CFAP44: variants seen among roughly 807,000 people sequenced by gnomAD.
CFAP44 encodes the protein cilia and flagella associated protein 44, also known as cilia- and flagella-associated protein 44.
Under a neutral mutation model 216.2 loss-of-function variants are expected in CFAP44, and 134 were observed. The ratio of observed to expected loss-of-function variants is 0.62; its 90% CI spans 0.54 to 0.72. The LOEUF (loss-of-function observed/expected upper bound fraction) is 0.72, where lower values mean the gene tolerates loss of function less well. Ranked by LOEUF, CFAP44 falls within the 30% of genes least tolerant of loss-of-function variation. CFAP44 has a pLI of 0.00. For synonymous variants in CFAP44, 700 were observed against 727.6 expected (o/e 0.96, Z 0.61); for missense variants, 2,035 against 2,182.1 (o/e 0.93, Z 1.34).
chr3:113,297,776 G>T (rs747690788), intron 32 of CFAP44, among the ~76,000 whole-genome samples: 1 of 152,156 alleles, frequency 6.6e-6, no homozygotes, highest in Non-Finnish European at 1.5e-5. Flanking sequence ...CTTGTAACAG[G>T]ACTTTCTCAA....
At chr3:113,332,481 A>G (rs967813708) in intron 25 of CFAP44, among the ~76,000 whole-genome samples, 1 of 152,236 alleles carries the variant, frequency 6.6e-6, no homozygotes, top group African/African-American at 2.4e-5. Context: ...TACTATTAAT[A>G]TAACCATGAT....
In CFAP44 at chr3:113,401,528, C is replaced by T. The variant is rs1030859805; in HGVS notation, c.1326+56G>A. ...TGTAGCCAAATCAATCATACTACTA[C>T]TTTAATTTTTGGTCCATGTAATGTT... On this transcript the variant is annotated intron_variant, in intron 10 of 34. Transcript: ENST00000393845. The T allele has an allele frequency of 1.2e-5, 19 of 1,593,282 alleles. No homozygotes were observed. The East Asian group carries it at 4.3e-4, about 36-fold the overall frequency.
chr3:113,434,805 C>A (rs2107418327), intron 1 of CFAP44: 1 of 152,312 alleles, frequency 6.6e-6, no homozygotes, highest in East Asian at 1.9e-4. Context: ...AAACTTTTTA[C>A]AAGCCTGCTA....
At chr3:113,374,083 G>C (rs1933258832) in intron 17 of CFAP44, among the ~76,000 whole-genome samples, 1 of 151,960 alleles carries the variant, frequency 6.6e-6, no homozygotes, top group Non-Finnish European at 1.5e-5. Flanking sequence ...AACAAATTAA[G>C]GGTCAGAACA....
intron 28 of CFAP44, among the ~76,000 whole-genome samples, chr3:113,324,465 A>G (rs1254514805): frequency 6.6e-6 from 1 of 152,252 alleles, no homozygotes; most frequent in Non-Finnish European, 1.5e-5. Flanking sequence ...TTAATAATCC[A>G]TAATTAGCCA....
At chr3:113,319,099 A>G (rs1950117586) in intron 28 of CFAP44, among the ~76,000 whole-genome samples, 1 of 152,202 alleles carries the variant, frequency 6.6e-6, no homozygotes, top group Non-Finnish European at 1.5e-5. Flanking sequence ...ACTAACCTTG[A>G]ATGTAAATGG....
At chr3:113,420,470 C>A (rs2107393522) in intron 4 of CFAP44, among the ~76,000 whole-genome samples, 1 of 152,254 alleles carries the variant, frequency 6.6e-6, no homozygotes. Context: ...CTGGGGAAAT[C>A]CTGAGAGCCC....
At chr3:113,418,873 T>G (rs1469282706) in intron 5 of CFAP44, among the ~76,000 whole-genome samples, 1 of 151,818 alleles carries the variant, frequency 6.6e-6, no homozygotes, top group African/African-American at 2.4e-5. Flanking sequence ...CCTGGCTAAT[T>G]TTTTGTATCT....
intron 18 of CFAP44, among the ~76,000 whole-genome samples, chr3:113,366,768 C>G (rs1321964581): frequency 2.0e-5 from 3 of 152,212 alleles, no homozygotes; most frequent in African/African-American, 7.2e-5. Context: ...GTTGCCTCAC[C>G]TGGGAAGCGC....
intron 29 of CFAP44, among the ~76,000 whole-genome samples, chr3:113,307,556 CT>C (rs1559906319): frequency 6.6e-6 from 1 of 152,200 alleles, no homozygotes; most frequent in Admixed American, 6.5e-5. Flanking sequence ...TATTTATTGT[CT>C]TTCTCCACTA....
At chr3:113,329,556 T>A (rs1950222312) in intron 26 of CFAP44, among the ~76,000 whole-genome samples, 1 of 152,094 alleles carries the variant, frequency 6.6e-6, no homozygotes, top group Admixed American at 6.5e-5. Flanking sequence ...GGAAAGGGAA[T>A]CTACATGGCT....
intron 22 of CFAP44, among the ~76,000 whole-genome samples, chr3:113,345,073 T>C (rs890149107): frequency 6.7e-5 from 10 of 148,472 alleles, no homozygotes; most frequent in Admixed American, 1.4e-4. Flanking sequence ...TTATATATAA[T>C]AGACTATATA....
chr3:113,392,832 A>G (rs1401685445), intron 15 of CFAP44, among the ~76,000 whole-genome samples: 2 of 152,218 alleles, frequency 1.3e-5, no homozygotes, highest in Non-Finnish European at 2.9e-5. Context: ...AACTCCATTT[A>G]GATACCTCAA....
chr3:113,333,468 G>A lies in CFAP44; in HGVS notation c.3553C>T (p.Pro1185Ser). 2.6e-6 allele frequency: 4 copies of A among 1,537,044 alleles called. No homozygotes were observed. In the South Asian group the frequency reaches 4.8e-5, roughly 18 times the overall value. ...GCAGCATTTATTCTCATGTGCTCAGGTATCTTGTAGTCTGGGGCTGTCTTC... is the reference window on the plus strand; with the variant it reads ...GCAGCATTTATTCTCATGTGCTCAGATATCTTGTAGTCTGGGGCTGTCTTC... ...NLKTAPDYKI[P>S]EHMRINAAKK... Residue 1185 changes from proline to serine, a missense_variant, in exon 25 of 35, where the codon CCT (proline) becomes TCT (serine). Coordinates refer to ENST00000393845, the MANE Select transcript of CFAP44 (RefSeq NM_001164496.2).
intron 6 of CFAP44, among the ~76,000 whole-genome samples, chr3:113,411,253 C>T (rs1239895783): frequency 1.3e-5 from 2 of 152,046 alleles, no homozygotes; most frequent in Admixed American, 6.6e-5. Flanking sequence ...TGCCTAGGTT[C>T]TCTTCTAGGG....
intron 2 of CFAP44, chr3:113,427,560 A>C (rs2107406023): frequency 4.6e-6 from 2 of 435,236 alleles, no homozygotes; most frequent in East Asian, 9.1e-5. Context: ...TTTTCAGTCT[A>C]TTTCCTATCA....
Position 113,286,991 on chromosome 3 carries a change from A to G in CFAP44, c.*4566T>C. ...CATATTTATATATTTATGCACTTGT[A>G]AATAAATGTATATGTTTTATAATTC... is the stretch of plus-strand genomic sequence containing the variant. On this transcript the variant is annotated 3_prime_UTR_variant, in exon 35 of 35. Transcript: ENST00000393845. 1 of 965,012 alleles carries G rather than the reference A, an allele frequency of 1.0e-6. No homozygotes were observed. Among genetic ancestry groups the G allele is most frequent in the Non-Finnish European group, 1.6e-6 (1 of 636,830 alleles). 59.8% of individuals were successfully genotyped at this position (965,012 alleles called of 1,614,324 possible).
At chr3:113,400,933 T>C (rs540074053) in intron 11 of CFAP44, among the ~76,000 whole-genome samples, 5 of 152,102 alleles carry the variant, frequency 3.3e-5, no homozygotes, top group African/African-American at 9.6e-5. Context: ...GTCTACTAAA[T>C]AGGGTAGTGA....
chr3:113,344,686 G>C lies in CFAP44; in HGVS notation c.3092C>G (p.Thr1031Ser). 6.6e-7 allele frequency: 1 copy of C among 1,512,952 alleles called. No homozygotes were observed. The highest frequency in any genetic ancestry group is 8.8e-7 in the Non-Finnish European group (1 of 1,138,636). 93.7% of individuals were successfully genotyped at this position (1,512,952 alleles called of 1,614,324 possible). ...ACTCAGTATGGCATGAACCACAATA[G>C]TATCACTTTCCAGTGGATCTCGAAA... is the stretch of plus-strand genomic sequence containing the variant. The part of the protein sequence containing the change: ...NRFRDPLESD[T>S]IVVHAILSDH... The change falls in exon 23 of 35, where the codon ACT (threonine) becomes AGT (serine). Residue 1031 changes from threonine to serine, a missense_variant. Transcript: ENST00000393845.
Sources: allele counts gnomAD v4.1 joint callset (sites outside exome capture counted in the v4.1 genomes callset), GRCh38; gene constraint gnomAD v4.1.1; transcripts MANE v1.5; gene names NCBI Gene and HGNC (gene_info 2026-07-23, HGNC 2026-07-21).